The following STXBP5L variants were observed in gnomAD, a reference collection of about 807,000 sequenced individuals.
The protein encoded by STXBP5L is syntaxin binding protein 5L, also known as syntaxin-binding protein 5-like.
A neutral mutation model predicts 144.5 loss-of-function variants in STXBP5L; 65 were observed. That is an observed-to-expected ratio of 0.45 (90% CI 0.37 to 0.55). STXBP5L has a LOEUF of 0.55. Ranked by LOEUF, STXBP5L falls within the 20% of genes least tolerant of loss-of-function variation. The pLI is 0.00. For missense variants in STXBP5L, 1,298 were observed against 1,405.5 expected (o/e 0.92, Z 1.22); for synonymous variants, 505 against 469.6 (o/e 1.08, Z -0.97).
chr3:121,193,608 G>A (rs2047796212), intron 9 of STXBP5L, among the ~76,000 whole-genome samples: 1 of 152,190 alleles, frequency 6.6e-6, no homozygotes, highest in East Asian at 1.9e-4. Flanking sequence ...TTTAGAAAAT[G>A]TGGCACATAT....
At chr3:121,205,589 C>G (rs1251372752) in intron 9 of STXBP5L, among the ~76,000 whole-genome samples, 1 of 152,126 alleles carries the variant, frequency 6.6e-6, no homozygotes, top group African/African-American at 2.4e-5. Context: ...TATGTGTGGT[C>G]TTCAATTCTA....
chr3:120,998,511 T>A (rs957121043), intron 3 of STXBP5L, among the ~76,000 whole-genome samples: 2 of 152,124 alleles, frequency 1.3e-5, no homozygotes, highest in African/African-American at 4.8e-5. Flanking sequence ...TAGGTATTTC[T>A]CCTAATGCTA....
At chr3:121,104,346 C>A (rs2043583269) in intron 5 of STXBP5L, among the ~76,000 whole-genome samples, 1 of 152,104 alleles carries the variant, frequency 6.6e-6, no homozygotes, top group African/African-American at 2.4e-5. Flanking sequence ...AGATTCAATG[C>A]AATTCCCATT....
At position 121,057,686 on chromosome 3, in the gene STXBP5L, T is replaced by G. The variant is rs142315189; in HGVS notation, c.470+12151T>G. On this transcript the variant is annotated intron_variant, in intron 5 of 26. Coordinates refer to ENST00000471454, the MANE Select transcript of STXBP5L (RefSeq NM_001308330.2). ...ATTTTCATTATTATGTACTATTCTA[T>G]TTAATGGATATTCTGCAATTTGATT... is the stretch of plus-strand genomic sequence containing the variant. 2.8e-3 allele frequency among the ~76,000 whole-genome samples: 421 copies of G among 152,254 alleles called. 3 individuals carry two copies. Among genetic ancestry groups the G allele is most frequent in the African/African-American group, 9.2e-3 (381 of 41,576 alleles).
At chr3:121,412,469 AAAGG>A (rs1415854205) in intron 23 of STXBP5L, among the ~76,000 whole-genome samples, 5 of 152,118 alleles carry the variant, frequency 3.3e-5, no homozygotes, top group Admixed American at 3.3e-4. Flanking sequence ...AAAGGGAACA[AAAGG>A]AAGGAAGGAA....
chr3:121,404,723 C>T (rs1446643195), intron 22 of STXBP5L, among the ~76,000 whole-genome samples: 3 of 152,108 alleles, frequency 2.0e-5, no homozygotes, highest in Non-Finnish European at 4.4e-5. Flanking sequence ...AAACTCCTGG[C>T]TCAGGGACAA....
intron 22 of STXBP5L, among the ~76,000 whole-genome samples, chr3:121,396,064 C>G (rs1424014657): frequency 6.6e-6 from 1 of 152,242 alleles, no homozygotes; most frequent in Non-Finnish European, 1.5e-5. Flanking sequence ...TATTTCCCAA[C>G]TTTTTGTTAT....
chr3:121,026,085 C>T (rs1361032069), intron 3 of STXBP5L, among the ~76,000 whole-genome samples: 2 of 148,228 alleles, frequency 1.3e-5, no homozygotes, highest in Non-Finnish European at 3.0e-5. Flanking sequence ...ATTTAATTCC[C>T]ATGCTTAAAA....
intron 3 of STXBP5L, among the ~76,000 whole-genome samples, chr3:121,038,086 A>G (rs1434426461): frequency 6.6e-6 from 1 of 151,892 alleles, no homozygotes; most frequent in African/African-American, 2.4e-5. Context: ...TGAATTTTTC[A>G]AACTAGGTTT....
At chr3:121,203,637 T>A (rs146826053) in intron 9 of STXBP5L, among the ~76,000 whole-genome samples, 1 of 152,126 alleles carries the variant, frequency 6.6e-6, no homozygotes, top group Non-Finnish European at 1.5e-5. Context: ...CAAGAATAAA[T>A]TGGTAGAGTT....
At chr3:120,952,658 C>T (rs866246060) in intron 2 of STXBP5L, among the ~76,000 whole-genome samples, 2 of 151,966 alleles carry the variant, frequency 1.3e-5, no homozygotes, top group African/African-American at 4.8e-5. Flanking sequence ...TTCAACTCAC[C>T]GTTTCTATAG....
At chr3:121,022,983 T>C (rs923362922) in intron 3 of STXBP5L, among the ~76,000 whole-genome samples, 15 of 152,034 alleles carry the variant, frequency 9.9e-5, no homozygotes, top group African/African-American at 2.9e-4. Context: ...TTTGTGATGA[T>C]TGTATACCTA....
intron 5 of STXBP5L, among the ~76,000 whole-genome samples, chr3:121,104,277 G>T (rs1015116873): frequency 2.0e-5 from 3 of 152,160 alleles, no homozygotes; most frequent in Non-Finnish European, 2.9e-5. Context: ...CACATCTCAT[G>T]CTCATGGATG....
intron 20 of STXBP5L, among the ~76,000 whole-genome samples, chr3:121,320,311 A>G (rs1280274519): frequency 6.6e-6 from 1 of 152,096 alleles, no homozygotes; most frequent in African/African-American, 2.4e-5. Context: ...TTGTGGTTAG[A>G]ATATGAAAAT....
intron 14 of STXBP5L, among the ~76,000 whole-genome samples, chr3:121,245,098 C>T (rs1202749306): frequency 2.0e-5 from 3 of 151,806 alleles, no homozygotes; most frequent in African/African-American, 7.3e-5. Context: ...TAAACAATAA[C>T]AACATAAAAA....
chr3:121,153,858 C>T (rs755725476), intron 8 of STXBP5L, among the ~76,000 whole-genome samples: 8 of 151,824 alleles, frequency 5.3e-5, no homozygotes, highest in African/African-American at 9.7e-5. Context: ...AAAAGAAGGT[C>T]TTAGGGAGCT....
At chr3:121,021,125 T>G (rs961096519) in intron 3 of STXBP5L, among the ~76,000 whole-genome samples, 1 of 151,918 alleles carries the variant, frequency 6.6e-6, no homozygotes, top group Non-Finnish European at 1.5e-5. Flanking sequence ...AGCTATTTTT[T>G]AATATCAGAC....
chr3:121,008,286 A>G (rs1222277413), intron 3 of STXBP5L, among the ~76,000 whole-genome samples: 1 of 151,978 alleles, frequency 6.6e-6, no homozygotes, highest in Non-Finnish European at 1.5e-5. Context: ...TTCCTTTGCC[A>G]GCTGGTCTAG....
chr3:121,314,835 G>A (rs2043723918), intron 19 of STXBP5L, among the ~76,000 whole-genome samples: 1 of 152,092 alleles, frequency 6.6e-6, no homozygotes, highest in Non-Finnish European at 1.5e-5. Flanking sequence ...GATATGAACA[G>A]ACACTTCTCA....
Sources: gnomAD v4.1 joint callset for allele counts (sites outside exome capture counted in the v4.1 genomes callset) on GRCh38, gnomAD v4.1.1 for gene constraint, MANE v1.5 for transcripts, NCBI Gene and HGNC (gene_info 2026-07-23, HGNC 2026-07-21) for gene names.